Variants in ZNF641 observed in about 807,000 individuals in gnomAD.
The protein encoded by ZNF641 is zinc finger protein 641.
In ZNF641, 26 loss-of-function variants were observed where a neutral mutation model predicts 46.2. The observed-to-expected ratio is 0.56, with a 90% CI of 0.41 to 0.78. The LOEUF is 0.78. Among genes scored for constraint, ZNF641 ranks in the 30% least tolerant of loss-of-function variants. ZNF641 has a pLI of 0.00. For missense variants in ZNF641, 469 were observed against 517.8 expected (o/e 0.91, Z 0.91); for synonymous variants, 163 against 187.9 (o/e 0.87, Z 1.09).
chr12:48,344,489 A>C, intron 5 of ZNF641, 110 bp downstream of exon 5: 1 of 652,260 alleles, frequency 1.5e-6, no homozygotes, highest in South Asian at 2.4e-5. Flanking sequence ...AAAATCTCTA[A>C]ACCTTTTGTC....
chr12:48,346,889 T>C (rs1952886686), intron 3 of ZNF641, among the ~76,000 whole-genome samples: 1 of 152,162 alleles, frequency 6.6e-6, no homozygotes, highest in Non-Finnish European at 1.5e-5. Context: ...CGTGTGCCAG[T>C]AGTCCCAGCT....
chr12:48,341,457 G>T lies in ZNF641; in HGVS notation c.*1516C>A. On this transcript the variant is annotated 3_prime_UTR_variant, in exon 6 of 6. Coordinates refer to ENST00000547026, the MANE Select transcript of ZNF641 (RefSeq NM_001172681.2). Reference sequence around the variant, plus strand: ...ACTTATGCAAGCCCTAGAGTTAAGGGTCTTAGTGTGGACACCTTTCCAGAA... The same window carrying T: ...ACTTATGCAAGCCCTAGAGTTAAGGTTCTTAGTGTGGACACCTTTCCAGAA... The T allele has an allele frequency of 6.1e-6, 6 of 985,432 alleles. No individual in the cohort carries two copies. The highest frequency in any genetic ancestry group is 6.0e-6 in the Non-Finnish European group (5 of 829,938). 61.0% of individuals were successfully genotyped at this position (985,432 alleles called of 1,614,324 possible). A position where few individuals can be genotyped will look rare whatever the true frequency, so the allele number is the denominator to read the frequency against.
intron 1 of ZNF641, 30 bp downstream of exon 1, chr12:48,350,756 C>G: frequency 2.2e-6 from 2 of 924,100 alleles, no homozygotes; most frequent in Non-Finnish European, 2.6e-6. Context: ...TCCCTCCAGC[C>G]GCAGCTCCCT....
intron 1 of ZNF641, chr12:48,349,933 ATG>A: frequency 7.7e-7 from 1 of 1,303,970 alleles, no homozygotes; most frequent in Non-Finnish European, 1.1e-6. Flanking sequence ...GAGTCTCTTA[ATG>A]GGAAGCCTCT....
rs1209411855 is a variant in ZNF641 at position 48,341,612 on chromosome 12, GCAGT to G, written c.*1357_*1360del. Reference sequence around the variant, plus strand: ...AGAATAACTCTTGCCCCTTGATGAGGCAGTCAAATTCAAACCAGTGATGGCAACA... The same window carrying G: ...AGAATAACTCTTGCCCCTTGATGAGGCAAATTCAAACCAGTGATGGCAACA... On this transcript the variant is annotated 3_prime_UTR_variant, in exon 6 of 6. Transcript: ENST00000547026. 4.1e-6 allele frequency: 4 copies of G among 985,324 alleles called. No individual in the cohort carries two copies. The allele number at this position is 985,324 out of a possible 1,614,324, so 61.0% of individuals were successfully genotyped here.
At position 48,347,339 on chromosome 12, in the gene ZNF641, C is replaced by T; in HGVS notation, c.189G>A (p.Gln63=). 2 of 1,611,354 alleles carry T rather than the reference C, an allele frequency of 1.2e-6. No individual in the cohort carries two copies. Among genetic ancestry groups the T allele is most frequent in the Non-Finnish European group, 1.7e-6 (2 of 1,178,268 alleles). Residue 63 remains glutamine (Q), a synonymous_variant, in exon 3 of 6, where the codon CAG becomes CAA. Transcript: ENST00000547026. The part of the protein sequence containing the change: ...EEPQSLQEKA[Q]SAPWVPAIPQ... Reference sequence around the variant, plus strand: ...GAATTGCAGGAACCCAGGGAGCAGACTGAGCTGATAAGGAGAGAGAAGAAA... The same window carrying T: ...GAATTGCAGGAACCCAGGGAGCAGATTGAGCTGATAAGGAGAGAGAAGAAA...
At chr12:48,347,168 C>A in intron 3 of ZNF641, 84 bp downstream of exon 3, 1 of 1,606,312 alleles carries the variant, frequency 6.2e-7, no homozygotes, top group Non-Finnish European at 8.5e-7. Context: ...TCATGTGAGC[C>A]AACTCATCAA....
rs144243726 is a variant in ZNF641 at position 48,346,213 on chromosome 12, T to C, written c.277-739A>G. On this transcript the variant is annotated intron_variant, in intron 3 of 5. Coordinates refer to ENST00000547026, the MANE Select transcript of ZNF641 (RefSeq NM_001172681.2). The stretch of plus-strand genomic sequence containing the variant: ...GCCACCGTGCCTGGCCATATCTTTA[T>C]ATTTTTAGGCAGCACAGTATGGTGG... Among the ~76,000 whole-genome samples, 14 of 152,192 alleles carry C rather than the reference T, an allele frequency of 9.2e-5. No individual in the cohort carries two copies. In the East Asian group the frequency reaches 2.7e-3, roughly 29 times the overall value.
Position 48,348,009 on chromosome 12 carries a change from C to T in ZNF641, c.82G>A (p.Glu28Lys). The change falls in exon 2 of 6, where the codon GAA becomes AAA. Residue 28 changes from glutamate to lysine, a missense_variant. By Grantham distance (56) the Glu-to-Lys change is moderately conservative (BLOSUM62 1). This residue lies in a region of ZNF641 where 98 missense variants were observed against 105.7 expected (regional missense o/e 0.93). Transcript: ENST00000547026. ...GGCCGCTCTTCCTGGCTTCCCCTTTCCACCTGGGGCTCTGCTCCATCCAGC... is the reference window on the plus strand; with the variant it reads ...GGCCGCTCTTCCTGGCTTCCCCTTTTCACCTGGGGCTCTGCTCCATCCAGC... ...VQLDGAEPQV[E>K]RGSQEERPWR... The T allele has an allele frequency of 6.2e-7, 1 of 1,614,242 alleles. No individual in the cohort carries two copies. Among genetic ancestry groups the T allele is most frequent in the Non-Finnish European group, 8.5e-7 (1 of 1,180,038 alleles).
chr12:48,347,100 T>C, intron 3 of ZNF641, 152 bp downstream of exon 3: 3 of 1,347,588 alleles, frequency 2.2e-6, no homozygotes, highest in Non-Finnish European at 3.0e-6. Flanking sequence ...AAGGGTCTTA[T>C]GACCCCTTGG....
Position 48,343,457 on chromosome 12 carries a change from T to G in ZNF641, c.791A>C (p.His264Pro). Reference sequence around the variant, plus strand: ...GTGTGTTTGTTGATGCCTGGCAAGGTGGGAACCCCATACAAACTGTTTCCC... The same window carrying G: ...GTGTGTTTGTTGATGCCTGGCAAGGGGGGAACCCCATACAAACTGTTTCCC... ...QCGKQFVWGS[H>P]LARHQQTHTG... The change falls in exon 6 of 6, where the codon CAC becomes CCC. Residue 264 changes from histidine to proline, a missense_variant. His to Pro is a moderately conservative substitution (Grantham distance 77, BLOSUM62 -2). Transcript: ENST00000547026. 1 of 1,614,080 alleles carries G rather than the reference T, an allele frequency of 6.2e-7. No individual in the cohort carries two copies. Among genetic ancestry groups the G allele is most frequent in the Non-Finnish European group, 8.5e-7 (1 of 1,179,942 alleles).
Position 48,348,130 on chromosome 12 carries a change from T to C in ZNF641, c.-25-15A>G. 2 of 1,613,318 alleles carry C rather than the reference T, an allele frequency of 1.2e-6. No individual in the cohort carries two copies. Among genetic ancestry groups the C allele is most frequent in the South Asian group, 1.1e-5 (1 of 91,076 alleles). The stretch of plus-strand genomic sequence containing the variant: ...CAAATTGTGACCTGGAACAAATTCA[T>C]ATCAGCAATGCCCATGAAAATGGGA... On this transcript the variant is annotated splice_polypyrimidine_tract_variant and intron_variant, in intron 1 of 5. Transcript: ENST00000547026.
intron 1 of ZNF641, chr12:48,349,980 T>C: frequency 6.2e-7 from 1 of 1,604,116 alleles, no homozygotes; most frequent in Non-Finnish European, 8.5e-7. Context: ...TGTAAGTTTT[T>C]CTATACCACT....
intron 4 of ZNF641, 143 bp from the exon 5 acceptor site, chr12:48,344,855 A>C: frequency 1.7e-6 from 1 of 584,638 alleles, no homozygotes; most frequent in Admixed American, 3.3e-5. Context: ...CCCCACCCCA[A>C]CCTCTTCCCC....
intron 3 of ZNF641, among the ~76,000 whole-genome samples, chr12:48,346,209 T>G (rs1241358219): frequency 6.6e-6 from 1 of 152,086 alleles, no homozygotes; most frequent in Admixed American, 6.5e-5. Flanking sequence ...TGGCCATATC[T>G]TTATATTTTT....
In ZNF641 at chr12:48,338,048, T is replaced by A. The variant is rs1181626936; in HGVS notation, c.*4925A>T. 1 of 152,454 alleles carries A rather than the reference T, an allele frequency of 6.6e-6. No homozygotes were observed. Among genetic ancestry groups the A allele is most frequent in the Non-Finnish European group, 1.5e-5 (1 of 68,248 alleles). 9.4% of individuals were successfully genotyped at this position (152,454 alleles called of 1,614,324 possible). On this transcript the variant is annotated 3_prime_UTR_variant, in exon 6 of 6. Transcript: ENST00000547026. Reference sequence around the variant, plus strand: ...TGTGTATGAGAAAGGGGCAGAGTGGTGAGGTGGCTGATGAACTGCTATAGC... The same window carrying A: ...TGTGTATGAGAAAGGGGCAGAGTGGAGAGGTGGCTGATGAACTGCTATAGC...
chr12:48,347,265 G>A lies in ZNF641; in HGVS notation c.263C>T (p.Ala88Val), dbSNP rs907932052. The A allele has an allele frequency of 9.9e-6, 16 of 1,613,824 alleles. No individual in the cohort carries two copies. The highest frequency in any genetic ancestry group is 5.0e-5 in the Admixed American group (3 of 60,000). ...GDWEMAAALL[A>V]AGSQGLVTIK... ...AGCAGAGCTCACCTGTGATCCAGCC[G>A]CAAGAAGTGCAGCTGCCATCTCCCA... The change falls in exon 3 of 6, where the codon GCG (alanine) becomes GTG (valine). Residue 88 changes from alanine (A) to valine (V), a missense_variant. This residue lies in a region of ZNF641 where 98 missense variants were observed against 105.7 expected (regional missense o/e 0.93). Transcript: ENST00000547026.
chr12:48,341,053 C>A lies in ZNF641; in HGVS notation c.*1920G>T. The A allele has an allele frequency of 1.0e-6, 1 of 985,462 alleles. No homozygotes were observed. The highest frequency in any genetic ancestry group is 1.2e-6 in the Non-Finnish European group (1 of 829,974). 61.0% of individuals were successfully genotyped at this position (985,462 alleles called of 1,614,324 possible). ...ACAGTAGCAGAAGGGAGGCAGGGGC[C>A]AAGCTGTTCAAGTCACATAAACTCT... On this transcript the variant is annotated 3_prime_UTR_variant, in exon 6 of 6. Coordinates refer to ENST00000547026, the MANE Select transcript of ZNF641 (RefSeq NM_001172681.2).
rs189192068 is a variant in ZNF641, at chr12:48,338,613, A to G, written c.*4360T>C. 11 of 152,366 alleles carry G rather than the reference A, an allele frequency of 7.2e-5. No homozygotes were observed. Among genetic ancestry groups the G allele is most frequent in the African/African-American group, 2.6e-4 (11 of 41,584 alleles). The allele number at this position is 152,366 out of a possible 1,614,324, so 9.4% of individuals were successfully genotyped here. ...CAGCCTGAATCTGTCAGAATCTTCT[A>G]AGCAGCAGAATGCATTTTGGGCACC... On this transcript the variant is annotated 3_prime_UTR_variant, in exon 6 of 6. Transcript: ENST00000547026.
Sources: allele counts gnomAD v4.1 joint callset (sites outside exome capture counted in the v4.1 genomes callset), GRCh38; gene constraint gnomAD v4.1.1; regional missense constraint gnomAD v4.1.1; transcripts MANE v1.5; gene names NCBI Gene and HGNC (gene_info 2026-07-23, HGNC 2026-07-21).